Variants in MACROD2 observed in about 807,000 individuals in gnomAD.
MACROD2 encodes mono-ADP ribosylhydrolase 2.
MACROD2 carries 36 observed loss-of-function variants against 70.4 expected under a neutral mutation model. The observed-to-expected ratio is 0.51, with a 90% CI of 0.39 to 0.68. The LOEUF (loss-of-function observed/expected upper bound fraction) is 0.68. MACROD2 is among the 30% of genes least tolerant of loss of function. The probability of loss-of-function intolerance (pLI) is 0.00; values close to 1 mark genes in which losing one functional copy is unlikely to be tolerated. For missense variants in MACROD2, 496 were observed against 538.4 expected (o/e 0.92, Z 0.78); for synonymous variants, 172 against 178.8 (o/e 0.96, Z 0.30).
intron 6 of MACROD2, among the ~76,000 whole-genome samples, chr20:15,407,864 C>T (rs2046025288): frequency 6.6e-6 from 1 of 152,180 alleles, no homozygotes; most frequent in African/African-American, 2.4e-5. Flanking sequence ...TTAGCTAGTG[C>T]AACCTCTTCA....
chr20:15,982,399 C>G (rs1290665967), intron 13 of MACROD2, among the ~76,000 whole-genome samples: 1 of 152,138 alleles, frequency 6.6e-6, no homozygotes, highest in Admixed American at 6.6e-5. Flanking sequence ...GAAGTCTTTA[C>G]TGTACAAGTC....
chr20:16,028,962 G>A (rs1024726869), intron 15 of MACROD2, among the ~76,000 whole-genome samples: 9 of 152,192 alleles, frequency 5.9e-5, no homozygotes, highest in African/African-American at 2.2e-4. Context: ...TTAGGCTGGG[G>A]CGCTTAAACA....
chr20:15,811,639 T>C (rs896377787), intron 8 of MACROD2, among the ~76,000 whole-genome samples: 1 of 152,180 alleles, frequency 6.6e-6, no homozygotes, highest in Non-Finnish European at 1.5e-5. Context: ...TTGATCTTTT[T>C]TTTTTCCCCA....
chr20:15,275,276 A>G (rs2077380991), intron 6 of MACROD2, among the ~76,000 whole-genome samples: 1 of 152,252 alleles, frequency 6.6e-6, no homozygotes, highest in Non-Finnish European at 1.5e-5. Context: ...AGGTCATTTT[A>G]ACATACAGTC....
At chr20:14,215,933 CTG>C (rs2081618650) in intron 3 of MACROD2, among the ~76,000 whole-genome samples, 1 of 152,038 alleles carries the variant, frequency 6.6e-6, no homozygotes, top group Admixed American at 6.6e-5. Flanking sequence ...GATGTATAGA[CTG>C]TAAAGATTTT....
At chr20:14,878,396 C>T (rs2073573609) in intron 5 of MACROD2, among the ~76,000 whole-genome samples, 1 of 152,088 alleles carries the variant, frequency 6.6e-6, no homozygotes, top group South Asian at 2.1e-4. Context: ...AGTTGGGGCA[C>T]ATTCATATTT....
intron 3 of MACROD2, among the ~76,000 whole-genome samples, chr20:14,174,208 G>T (rs778489242): frequency 1.3e-5 from 2 of 152,166 alleles, no homozygotes; most frequent in Non-Finnish European, 2.9e-5. Flanking sequence ...TTTCTCAGGT[G>T]GTGGGCAGAG....
At chr20:15,824,670 A>G (rs1050792940) in intron 8 of MACROD2, among the ~76,000 whole-genome samples, 5 of 152,182 alleles carry the variant, frequency 3.3e-5, no homozygotes, top group African/African-American at 1.2e-4. Context: ...TGATTGGTAT[A>G]ATATTTTGGG....
intron 4 of MACROD2, among the ~76,000 whole-genome samples, chr20:14,611,852 T>C (rs764839762): frequency 3.9e-5 from 6 of 152,192 alleles, no homozygotes; most frequent in Non-Finnish European, 7.4e-5. Context: ...AGCTGTCTAA[T>C]ATTTTCTCTG....
chr20:14,200,040 C>T (rs1009051733), intron 3 of MACROD2, among the ~76,000 whole-genome samples: 11 of 152,080 alleles, frequency 7.2e-5, no homozygotes, highest in African/African-American at 2.7e-4. Context: ...GACATTCTTG[C>T]AAGGCAGAAA....
intron 4 of MACROD2, among the ~76,000 whole-genome samples, chr20:14,660,104 A>G (rs1269709343): frequency 1.3e-5 from 2 of 152,312 alleles, no homozygotes; most frequent in African/African-American, 4.8e-5. Flanking sequence ...AAGCATATTG[A>G]TAAATACAGC....
At chr20:16,019,047 T>C (rs1328512768) in intron 15 of MACROD2, among the ~76,000 whole-genome samples, 2 of 152,164 alleles carry the variant, frequency 1.3e-5, no homozygotes, top group African/African-American at 4.8e-5. Flanking sequence ...ATTTCCAGGA[T>C]CACTGAGCAC....
intron 3 of MACROD2, among the ~76,000 whole-genome samples, chr20:14,110,208 T>C (rs2054430632): frequency 1.3e-5 from 2 of 151,800 alleles, no homozygotes. Flanking sequence ...CTAAAAAAAC[T>C]CGGTATAGAA....
Position 15,222,549 on chromosome 20 carries a change from G to T in MACROD2, c.419-7391G>T, listed in dbSNP as rs918177477. Among the ~76,000 whole-genome samples the T allele has an allele frequency of 2.6e-5, 4 of 152,242 alleles. No individual in the cohort carries two copies. The East Asian group carries it at 7.7e-4, about 29-fold the overall frequency. On this transcript the variant is annotated intron_variant, in intron 5 of 17. Coordinates refer to ENST00000684519, the MANE Select transcript of MACROD2 (RefSeq NM_001351661.2). ...GTTGTATCTCTAAAAAAGAAAATCA[G>T]TTTAATTCCATGCATTGGTTTTCTT...
At chr20:14,317,927 C>T (rs1008845393) in intron 3 of MACROD2, among the ~76,000 whole-genome samples, 2 of 152,150 alleles carry the variant, frequency 1.3e-5, no homozygotes, top group African/African-American at 4.8e-5. Context: ...GTAGCAGCAA[C>T]AACGTAATCA....
rs1396316305 is a variant in MACROD2 at position 15,634,707 on chromosome 20, C to T, written c.645+134860C>T. Among the ~76,000 whole-genome samples the T allele has an allele frequency of 5.9e-5, 9 of 152,264 alleles. 1 individual carries two copies. The highest frequency in any genetic ancestry group is 1.3e-4 in the Non-Finnish European group (9 of 68,020). On this transcript the variant is annotated intron_variant, in intron 8 of 17. Transcript: ENST00000684519. ...GAGATGGCAGCCAGGAGTAATGTGT[C>T]GGATATTGTCAGTTATCGCTCAGCA...
intron 7 of MACROD2, among the ~76,000 whole-genome samples, chr20:15,496,956 C>T (rs1377570568): frequency 6.6e-6 from 1 of 151,918 alleles, no homozygotes; most frequent in African/African-American, 2.4e-5. Context: ...TGGGTGAGGG[C>T]CGATCAGACC....
rs144388106 is a variant in MACROD2, at chr20:15,571,658, C to T, written c.645+71811C>T. ...AATGGAAGGCATTTGTTTGAGAGGG[C>T]CCCAAATGATCACATGAAATATATG... On this transcript the variant is annotated intron_variant, in intron 8 of 17. Transcript: ENST00000684519. 1.8e-3 allele frequency among the ~76,000 whole-genome samples: 268 copies of T among 152,066 alleles called. 1 individual carries two copies. Among genetic ancestry groups the T allele is most frequent in the Non-Finnish European group, 3.2e-3 (220 of 67,944 alleles).
chr20:14,480,095 G>C (rs930285901), intron 3 of MACROD2, among the ~76,000 whole-genome samples: 1 of 151,918 alleles, frequency 6.6e-6, no homozygotes, highest in Non-Finnish European at 1.5e-5. Context: ...ATGTTGCACA[G>C]ACTGGAACTC....
Sources: allele counts gnomAD v4.1 joint callset (sites outside exome capture counted in the v4.1 genomes callset), GRCh38; gene constraint gnomAD v4.1.1; transcripts MANE v1.5; gene names NCBI Gene and HGNC (gene_info 2026-07-23, HGNC 2026-07-21).